Variants in RABEP1 observed in about 807,000 individuals in gnomAD.
RABEP1 encodes rab GTPase-binding effector protein 1.
Under a neutral mutation model 123.4 loss-of-function variants are expected in RABEP1, and 51 were observed. That is an observed-to-expected ratio of 0.41 (90% CI 0.33 to 0.52). The LOEUF is 0.52. RABEP1 is among the 20% of genes least tolerant of loss of function. The pLI, the probability that RABEP1 is intolerant of heterozygous loss-of-function variation, is 0.16. For synonymous variants in RABEP1, 347 were observed against 355.2 expected, an observed-to-expected ratio of 0.98 and a Z score of 0.26; for missense variants, 888 against 996.3, an observed-to-expected ratio of 0.89 and a Z score of 1.46.
chr17:5,302,496 C>T (rs921029506), intron 1 of RABEP1, among the ~76,000 whole-genome samples: 1 of 151,956 alleles, frequency 6.6e-6, no homozygotes, highest in African/African-American at 2.4e-5. Context: ...CCCCCTCGGC[C>T]TCCCAAGATG....
intron 2 of RABEP1, among the ~76,000 whole-genome samples, chr17:5,325,698 C>G (rs887951193): frequency 2.6e-5 from 4 of 151,574 alleles, no homozygotes; most frequent in African/African-American, 9.7e-5. Flanking sequence ...AAAAGACAAC[C>G]CTTGGTGTCC....
rs975121938 is a variant in RABEP1 at position 5,302,244 on chromosome 17, A to T, written c.35-6450A>T. On this transcript the variant is annotated intron_variant, in intron 1 of 17. Transcript: ENST00000537505. ...GATTTAGGGGAATGTTACTGAAAAC[A>T]TTTTTTTTTTTTTTGAGATGGAGTC... Among the ~76,000 whole-genome samples, 97 of 118,398 alleles carry T rather than the reference A, an allele frequency of 8.2e-4. 3 individuals carry two copies. The highest frequency in any genetic ancestry group is 4.4e-3 in the Middle Eastern group (1 of 228). The allele number at this position is 118,398 out of a possible 152,430, so 77.7% of individuals were successfully genotyped here.
chr17:5,306,723 G>T lies in RABEP1; in HGVS notation c.35-1971G>T, dbSNP rs181504373. Reference sequence around the variant, plus strand: ...ATCATGAGGTTGGAAGTGACTTCTGGTCTTTTCTGGCTATATACAAGGTCA... The same window carrying T: ...ATCATGAGGTTGGAAGTGACTTCTGTTCTTTTCTGGCTATATACAAGGTCA... On this transcript the variant is annotated intron_variant, in intron 1 of 17. Coordinates refer to ENST00000537505, the MANE Select transcript of RABEP1 (RefSeq NM_004703.6). Among the ~76,000 whole-genome samples, 1,330 of 152,020 alleles carry T rather than the reference G, an allele frequency of 8.7e-3. 13 individuals are homozygous for T. Among genetic ancestry groups the T allele is most frequent in the Non-Finnish European group, 0.014 (929 of 67,978 alleles).
At chr17:5,285,943 AATT>A (rs758181446) in intron 1 of RABEP1, among the ~76,000 whole-genome samples, 5 of 152,130 alleles carry the variant, frequency 3.3e-5, no homozygotes, top group Non-Finnish European at 7.4e-5. Context: ...TTCAAATTTT[AATT>A]ATTTTATAAG....
At position 5,373,405 on chromosome 17, in the gene RABEP1, A is replaced by G; in HGVS notation, c.1976A>G (p.His659Arg). The G allele has an allele frequency of 6.2e-7, 1 of 1,613,242 alleles. No homozygotes were observed. Among genetic ancestry groups the G allele is most frequent in the Non-Finnish European group, 8.5e-7 (1 of 1,179,848 alleles). ...NDSLQGKHSL[H>R]VSLQQAEDFI... ...AGTCTCCAGGGAAAGCACAGCCTGCATGTGTCATTACAGCAAGCAGAAGAC... is the reference window on the plus strand; with the variant it reads ...AGTCTCCAGGGAAAGCACAGCCTGCGTGTGTCATTACAGCAAGCAGAAGAC... The change falls in exon 13 of 18, where the codon CAT (histidine) becomes CGT (arginine). Residue 659 changes from histidine (H) to arginine (R), a missense_variant. By Grantham distance (29) the His-to-Arg change is conservative. Transcript: ENST00000537505.
chr17:5,333,284 T>G lies in RABEP1; in HGVS notation c.367+1132T>G, dbSNP rs537334130. 2.0e-5 allele frequency among the ~76,000 whole-genome samples: 3 copies of G among 152,272 alleles called. No homozygotes were observed. The East Asian group carries it at 5.8e-4, about 29-fold the overall frequency. ...TTCAAGCGATTCTCCTGCCTCAGTC[T>G]CTCAAGTAGCTGGGACTACAGGCGC... On this transcript the variant is annotated intron_variant, in intron 3 of 17. Coordinates refer to ENST00000537505, the MANE Select transcript of RABEP1 (RefSeq NM_004703.6).
Position 5,365,207 on chromosome 17 carries a change from T to C in RABEP1, c.1754T>C (p.Ile585Thr), listed in dbSNP as rs1346243047. The C allele has an allele frequency of 6.2e-7, 1 of 1,610,854 alleles. No homozygotes were observed. Among genetic ancestry groups the C allele is most frequent in the Non-Finnish European group, 8.5e-7 (1 of 1,178,792 alleles). The change falls in exon 11 of 18, where the codon ATA becomes ACA. Residue 585 changes from isoleucine (I) to threonine (T), a missense_variant. By Grantham distance (89) the Ile-to-Thr change is moderately conservative. Transcript: ENST00000537505. Reference protein sequence around the residue: ...MKDKQELEDFIKQSSEDSSHQ... With the variant: ...MKDKQELEDFTKQSSEDSSHQ... Reference sequence around the variant, plus strand: ...GATAAGCAGGAGCTGGAAGACTTCATAAAGCAAAGCAGCGAAGATTCGAGT... The same window carrying C: ...GATAAGCAGGAGCTGGAAGACTTCACAAAGCAAAGCAGCGAAGATTCGAGT...
chr17:5,312,238 C>T (rs2075250655), intron 2 of RABEP1, among the ~76,000 whole-genome samples: 2 of 152,128 alleles, frequency 1.3e-5, no homozygotes, highest in South Asian at 2.1e-4. Context: ...CAACCTCTGC[C>T]CCACGGTTCA....
chr17:5,373,285 G>C (rs1156373448), intron 12 of RABEP1, 29 bp from the exon 13 acceptor site: 2 of 1,600,820 alleles, frequency 1.2e-6, no homozygotes, highest in Admixed American at 1.7e-5. Flanking sequence ...TACCTTTCTG[G>C]CTGTGATTAG....
At chr17:5,381,245 A>C in intron 16 of RABEP1, 144 bp from the exon 17 acceptor site, 1 of 1,127,706 alleles carries the variant, frequency 8.9e-7, no homozygotes, top group Non-Finnish European at 1.2e-6. Flanking sequence ...CTTGCCCTAT[A>C]GATAAAGAGA....
chr17:5,380,213 G>A (rs991288431), intron 15 of RABEP1, 151 bp from the exon 16 acceptor site: 1 of 595,316 alleles, frequency 1.7e-6, no homozygotes, highest in Non-Finnish European at 2.9e-6. Flanking sequence ...GAAGAATACA[G>A]AGGGGATCCA....
At chr17:5,290,621 C>T (rs1000409296) in intron 1 of RABEP1, among the ~76,000 whole-genome samples, 1 of 151,994 alleles carries the variant, frequency 6.6e-6, no homozygotes, top group Non-Finnish European at 1.5e-5. Flanking sequence ...GAGATAGAGT[C>T]TTTCTCTGTT....
chr17:5,367,775 G>GA (rs931508960), intron 11 of RABEP1, among the ~76,000 whole-genome samples: 2 of 149,778 alleles, frequency 1.3e-5, no homozygotes, highest in African/African-American at 2.4e-5. Flanking sequence ...TTAAACCCGA[G>GA]ATGGAGTTTT....
chr17:5,352,826 C>T (rs769502917), intron 7 of RABEP1, among the ~76,000 whole-genome samples: 10 of 151,930 alleles, frequency 6.6e-5, no homozygotes, highest in Non-Finnish European at 8.8e-5. Flanking sequence ...GTGAGACTCC[C>T]TCTCAAAAAA....
At chr17:5,318,802 T>C (rs1035037701) in intron 2 of RABEP1, among the ~76,000 whole-genome samples, 1 of 152,216 alleles carries the variant, frequency 6.6e-6, no homozygotes, top group African/African-American at 2.4e-5. Context: ...AGATGCAAGA[T>C]TCCTTGACAG....
At chr17:5,316,855 A>AATATAT (rs1171136663) in intron 2 of RABEP1, among the ~76,000 whole-genome samples, 3 of 139,384 alleles carry the variant, frequency 2.2e-5, no homozygotes, top group African/African-American at 8.0e-5. Flanking sequence ...AAAAAAAAAA[A>AATATAT]ATATAAGAAA....
chr17:5,386,050 TACTC>T lies in RABEP1; in HGVS notation c.*2829_*2832del, dbSNP rs1188116156. The T allele has an allele frequency of 3.5e-6, 2 of 576,814 alleles. No homozygotes were observed. Among genetic ancestry groups the T allele is most frequent in the Admixed American group, 3.4e-5 (1 of 29,258 alleles). The allele number at this position is 576,814 out of a possible 1,614,324, so 35.7% of individuals were successfully genotyped here. On this transcript the variant is annotated 3_prime_UTR_variant, in exon 18 of 18. Transcript: ENST00000537505. The stretch of plus-strand genomic sequence containing the variant: ...ATTCCAAATTTTAAATAAAAGCATT[TACTC>T]AATTATTATAAAACAACATATTTAA...
chr17:5,346,994 AC>A lies in RABEP1; in HGVS notation c.784+70del, dbSNP rs1908118062. On this transcript the variant is annotated intron_variant, in intron 6 of 17. Coordinates refer to ENST00000537505, the MANE Select transcript of RABEP1 (RefSeq NM_004703.6). ...TAAGTTAAATTGATGTTGACTAATA[AC>A]AGTGACAAATCTTAAAATAACAATG... is the stretch of plus-strand genomic sequence containing the variant. The A allele has an allele frequency of 2.4e-6, 3 of 1,225,714 alleles. No homozygotes were observed. In the African/African-American group the frequency reaches 4.6e-5, roughly 19 times the overall value. The allele number at this position is 1,225,714 out of a possible 1,614,324, so 75.9% of individuals were successfully genotyped here. A position where few individuals can be genotyped will look rare whatever the true frequency, so the allele number is the denominator to read the frequency against.
chr17:5,366,668 A>G (rs1311020213), intron 11 of RABEP1, among the ~76,000 whole-genome samples: 2 of 151,328 alleles, frequency 1.3e-5, no homozygotes, highest in Non-Finnish European at 3.0e-5. Context: ...CTGGTCCTGA[A>G]CTCCTGACCT....
Sources: allele counts gnomAD v4.1 joint callset (sites outside exome capture counted in the v4.1 genomes callset), GRCh38; gene constraint gnomAD v4.1.1; transcripts MANE v1.5; gene names NCBI Gene and HGNC (gene_info 2026-07-23, HGNC 2026-07-21).